PROS1: variants seen among roughly 807,000 people sequenced by gnomAD.
The protein encoded by PROS1 is protein S, also known as vitamin K-dependent protein S.
In PROS1, 29 loss-of-function variants were observed where a neutral mutation model predicts 75.9. The ratio of observed to expected loss-of-function variants is 0.38; its 90% CI spans 0.28 to 0.52. The LOEUF (loss-of-function observed/expected upper bound fraction) is 0.52, where lower values mean the gene tolerates loss of function less well. Among genes scored for constraint, PROS1 ranks in the 20% least tolerant of loss-of-function variants. The pLI is 0.83. For synonymous variants in PROS1, 245 were observed against 280.6 expected (o/e 0.87, Z 1.27); for missense variants, 680 against 810.3 (o/e 0.84, Z 1.95).
At chr3:93,932,657 T>G (rs1709122909) in intron 1 of PROS1, among the ~76,000 whole-genome samples, 1 of 152,256 alleles carries the variant, frequency 6.6e-6, no homozygotes, top group Non-Finnish European at 1.5e-5. Flanking sequence ...TTTGAAATTG[T>G]ATTCACAGCC....
At chr3:93,897,566 A>G (rs1457178971) in intron 8 of PROS1, among the ~76,000 whole-genome samples, 1 of 152,084 alleles carries the variant, frequency 6.6e-6, no homozygotes, top group Non-Finnish European at 1.5e-5. Context: ...GTAGTAACGT[A>G]CCAAAATTAC....
intron 1 of PROS1, among the ~76,000 whole-genome samples, chr3:93,970,341 T>A (rs1709857700): frequency 1.3e-5 from 2 of 152,116 alleles, no homozygotes; most frequent in East Asian, 3.9e-4. Context: ...TCTATTTTAT[T>A]TTTATTATTT....
chr3:93,900,753 G>T, intron 7 of PROS1, 51 bp downstream of exon 7: 1 of 1,609,678 alleles, frequency 6.2e-7, no homozygotes, highest in South Asian at 1.1e-5. Flanking sequence ...ATCAGTTCAG[G>T]GTTCACACCC....
Position 93,898,441 on chromosome 3 carries a change from T to G in PROS1, c.849+7A>C. The G allele has an allele frequency of 6.2e-7, 1 of 1,612,204 alleles. No individual in the cohort carries two copies. The highest frequency in any genetic ancestry group is 1.1e-5 in the South Asian group (1 of 91,054). On this transcript the variant is annotated splice_region_variant and intron_variant, in intron 8 of 14. Transcript: ENST00000394236. ...AGGTGAGAAGTTAAGCATTGTAAAA[T>G]GTTTACCTCACAACTCTTCTGATCT...
At chr3:93,923,657 T>A (rs557582320) in intron 3 of PROS1, among the ~76,000 whole-genome samples, 2 of 152,246 alleles carry the variant, frequency 1.3e-5, no homozygotes, top group South Asian at 4.1e-4. Flanking sequence ...TCCTAGCACT[T>A]TGGGAGGCTG....
intron 3 of PROS1, among the ~76,000 whole-genome samples, chr3:93,913,644 G>C (rs1464442364): frequency 6.6e-6 from 1 of 152,186 alleles, no homozygotes; most frequent in Non-Finnish European, 1.5e-5. Flanking sequence ...CCTCAGCCAT[G>C]CTGAACTATA....
intron 1 of PROS1, among the ~76,000 whole-genome samples, chr3:93,933,057 C>T (rs1442887047): frequency 6.6e-6 from 1 of 152,170 alleles, no homozygotes; most frequent in Admixed American, 6.5e-5. Context: ...TCTTATTTGG[C>T]ATCTCATAAA....
At chr3:93,965,643 T>C (rs561772236) in intron 1 of PROS1, among the ~76,000 whole-genome samples, 17 of 152,260 alleles carry the variant, frequency 1.1e-4, no homozygotes, top group Admixed American at 2.6e-4. Flanking sequence ...CACCACCATC[T>C]TGGGAGCTCT....
intron 1 of PROS1, among the ~76,000 whole-genome samples, chr3:93,964,803 C>A (rs999346420): frequency 6.6e-6 from 1 of 152,120 alleles, no homozygotes; most frequent in Non-Finnish European, 1.5e-5. Flanking sequence ...GCGTCACCCC[C>A]GGAGGTGCAG....
intron 2 of PROS1, among the ~76,000 whole-genome samples, chr3:93,926,779 T>A (rs1709025267): frequency 6.6e-6 from 1 of 152,210 alleles, no homozygotes; most frequent in South Asian, 2.1e-4. Flanking sequence ...TCTAACACTA[T>A]CAAATTCTGG....
At chr3:93,942,294 A>G (rs1046555927) in intron 1 of PROS1, among the ~76,000 whole-genome samples, 3 of 151,816 alleles carry the variant, frequency 2.0e-5, no homozygotes, top group Admixed American at 2.0e-4. Flanking sequence ...ATTTATACTG[A>G]CTCTGAATAT....
chr3:93,954,019 A>T (rs1459247986), intron 1 of PROS1, among the ~76,000 whole-genome samples: 3 of 152,214 alleles, frequency 2.0e-5, no homozygotes, highest in South Asian at 2.1e-4. Flanking sequence ...CTTACAAGGG[A>T]TGTGAAGGAG....
intron 3 of PROS1, among the ~76,000 whole-genome samples, chr3:93,916,651 T>C (rs1406147187): frequency 2.0e-5 from 3 of 152,042 alleles, no homozygotes; most frequent in Admixed American, 6.6e-5. Context: ...AGGGAGATTG[T>C]CTCTGCTTCT....
At position 93,949,752 on chromosome 3, in the gene PROS1, T is replaced by C. The variant is rs1576211662; in HGVS notation, c.77-22345A>G. Among the ~76,000 whole-genome samples the C allele has an allele frequency of 2.0e-5, 3 of 152,200 alleles. No individual in the cohort carries two copies. In the South Asian group the frequency reaches 6.2e-4, roughly 31 times the overall value. Reference sequence around the variant, plus strand: ...TGGCCAAATAGGAACAGCTTCAGTCTACAGCTCCCAGCATGAGCAACACAG... The same window carrying C: ...TGGCCAAATAGGAACAGCTTCAGTCCACAGCTCCCAGCATGAGCAACACAG... On this transcript the variant is annotated intron_variant, in intron 1 of 14. Coordinates refer to ENST00000394236, the MANE Select transcript of PROS1 (RefSeq NM_000313.4).
intron 8 of PROS1, 117 bp downstream of exon 8, chr3:93,898,331 G>A (rs1273457685): frequency 3.3e-6 from 4 of 1,213,758 alleles, no homozygotes; most frequent in Non-Finnish European, 4.8e-6. Flanking sequence ...CCTGCTTAAA[G>A]CTACAGCAAT....
rs1486950524 is a variant in PROS1, at chr3:93,893,130, A to G, written c.966-8T>C. 6.2e-6 allele frequency: 10 copies of G among 1,605,216 alleles called. No homozygotes were observed. The highest frequency in any genetic ancestry group is 8.5e-6 in the Non-Finnish European group (10 of 1,173,678). ...TCAAATTCTGCTGAAAATCTAAACA[A>G]TGGACAAAGAGAGATCCTTAAGAGT... On this transcript the variant is annotated splice_region_variant and splice_polypyrimidine_tract_variant and intron_variant, in intron 9 of 14. Coordinates refer to ENST00000394236, the MANE Select transcript of PROS1 (RefSeq NM_000313.4).
chr3:93,952,464 G>A (rs1180967819), intron 1 of PROS1, among the ~76,000 whole-genome samples: 1 of 152,096 alleles, frequency 6.6e-6, no homozygotes, highest in Non-Finnish European at 1.5e-5. Context: ...TGAACAACCT[G>A]CTCCTGAATG....
At chr3:93,949,019 T>A (rs1324546641) in intron 1 of PROS1, among the ~76,000 whole-genome samples, 8 of 152,198 alleles carry the variant, frequency 5.3e-5, no homozygotes, top group Non-Finnish European at 1.2e-4. Context: ...GAATAACAGT[T>A]CATGGAACAT....
At chr3:93,906,281 T>C (rs76426002) in intron 4 of PROS1, 138 bp from the exon 5 acceptor site, 1 of 975,526 alleles carries the variant, frequency 1.0e-6, no homozygotes, top group South Asian at 1.8e-5. Context: ...ATAATACTTT[T>C]CCTAAATTAA....
Sources: allele counts gnomAD v4.1 joint callset (sites outside exome capture counted in the v4.1 genomes callset), GRCh38; gene constraint gnomAD v4.1.1; transcripts MANE v1.5; gene names NCBI Gene and HGNC (gene_info 2026-07-23, HGNC 2026-07-21).